Variants in MAGI2 observed in about 807,000 individuals in gnomAD.
MAGI2 encodes membrane associated guanylate kinase, WW and PDZ domain containing 2.
A neutral mutation model predicts 133.3 loss-of-function variants in MAGI2; 35 were observed. That is an observed-to-expected ratio of 0.26 (90% CI 0.20 to 0.35). MAGI2 has a LOEUF of 0.35. MAGI2 is among the 10% of genes least tolerant of loss of function. MAGI2 has a pLI of 1.00. For synonymous variants in MAGI2, 729 were observed against 710.6 expected (o/e 1.03, Z -0.41); for missense variants, 1,636 against 1,863.4 (o/e 0.88, Z 2.25).
intron 1 of MAGI2, among the ~76,000 whole-genome samples, chr7:79,432,843 A>T (rs918223799): frequency 1.3e-5 from 2 of 152,224 alleles, no homozygotes; most frequent in African/African-American, 4.8e-5. Context: ...ATAACAGAAA[A>T]GCAGCATCTG....
chr7:79,037,821 T>G (rs1290999794), intron 1 of MAGI2, among the ~76,000 whole-genome samples: 1 of 152,190 alleles, frequency 6.6e-6, no homozygotes, highest in Non-Finnish European at 1.5e-5. Context: ...CTTCCAATAT[T>G]TGTCATTATT....
chr7:78,880,185 C>A (rs886702178), intron 2 of MAGI2, among the ~76,000 whole-genome samples: 1 of 152,020 alleles, frequency 6.6e-6, no homozygotes, highest in Admixed American at 6.5e-5. Flanking sequence ...CCTAGTCTTC[C>A]TAGAGAGGTA....
At chr7:79,233,992 G>A (rs1831632949) in intron 1 of MAGI2, among the ~76,000 whole-genome samples, 1 of 143,912 alleles carries the variant, frequency 6.9e-6, no homozygotes, top group Non-Finnish European at 1.5e-5. Context: ...CAGGCCTGGT[G>A]GTGACAAAAT....
chr7:78,755,774 G>A (rs1823884305), intron 2 of MAGI2, among the ~76,000 whole-genome samples: 1 of 152,124 alleles, frequency 6.6e-6, no homozygotes, highest in South Asian at 2.1e-4. Flanking sequence ...AGCTGCTTTT[G>A]TTTGATCACC....
intron 2 of MAGI2, among the ~76,000 whole-genome samples, chr7:78,890,409 AT>A (rs1796643682): frequency 1.3e-5 from 2 of 152,188 alleles, no homozygotes; most frequent in Non-Finnish European, 2.9e-5. Context: ...TCCACCCCAA[AT>A]TAACAGAATA....
At chr7:78,550,072 T>C (rs954569022) in intron 3 of MAGI2, among the ~76,000 whole-genome samples, 4 of 152,158 alleles carry the variant, frequency 2.6e-5, no homozygotes, top group Admixed American at 1.3e-4. Flanking sequence ...TGTGGACACA[T>C]AGAAAGCACC....
chr7:79,119,218 C>A (rs1819668014), intron 1 of MAGI2, among the ~76,000 whole-genome samples: 1 of 152,132 alleles, frequency 6.6e-6, no homozygotes, highest in Non-Finnish European at 1.5e-5. Context: ...TTCCTTTTAA[C>A]AAATAAGTTG....
At chr7:79,429,222 T>C (rs1847607253) in intron 1 of MAGI2, among the ~76,000 whole-genome samples, 1 of 152,154 alleles carries the variant, frequency 6.6e-6, no homozygotes, top group Non-Finnish European at 1.5e-5. Context: ...TGTTTTAACA[T>C]ATAATAAATC....
intron 6 of MAGI2, among the ~76,000 whole-genome samples, chr7:78,442,557 T>A (rs913317233): frequency 6.6e-6 from 1 of 152,200 alleles, no homozygotes; most frequent in African/African-American, 2.4e-5. Context: ...GGAAACAGAT[T>A]GTGCTTTGCT....
chr7:79,049,523 A>G (rs1351358010), intron 1 of MAGI2, among the ~76,000 whole-genome samples: 3 of 152,198 alleles, frequency 2.0e-5, no homozygotes, highest in Non-Finnish European at 4.4e-5. Flanking sequence ...ACAGACTTGT[A>G]TCCTAAATTC....
intron 1 of MAGI2, among the ~76,000 whole-genome samples, chr7:79,051,350 C>T (rs1812651171): frequency 6.6e-6 from 1 of 152,152 alleles, no homozygotes; most frequent in African/African-American, 2.4e-5. Context: ...AGCAATAAAT[C>T]CCAACTTGTT....
chr7:79,346,769 C>A (rs920475037), intron 1 of MAGI2, among the ~76,000 whole-genome samples: 62 of 152,052 alleles, frequency 4.1e-4, no homozygotes, highest in African/African-American at 1.4e-3. Flanking sequence ...TTCAACCTTT[C>A]CTCACACCTT....
At position 78,951,658 on chromosome 7, in the gene MAGI2, G is replaced by T. The variant is rs114715832; in HGVS notation, c.418+55432C>A. Among the ~76,000 whole-genome samples the T allele has an allele frequency of 1.5e-3, 229 of 152,252 alleles. 1 individual carries two copies. Among genetic ancestry groups the T allele is most frequent in the African/African-American group, 5.3e-3 (222 of 41,552 alleles). On this transcript the variant is annotated intron_variant, in intron 2 of 21. Coordinates refer to ENST00000354212, the MANE Select transcript of MAGI2 (RefSeq NM_012301.4). ...ACCATATCAATTGCCTGTTTTTTAA[G>T]AACTTAGTTTAAACTCAAATGTATA...
At chr7:79,130,043 G>T (rs1284442818) in intron 1 of MAGI2, among the ~76,000 whole-genome samples, 3 of 151,900 alleles carry the variant, frequency 2.0e-5, no homozygotes, top group African/African-American at 4.8e-5. Flanking sequence ...GCTCACACTT[G>T]TAATCTCAGC....
At chr7:78,180,658 C>T (rs536029006) in intron 13 of MAGI2, among the ~76,000 whole-genome samples, 2 of 152,266 alleles carry the variant, frequency 1.3e-5, no homozygotes, top group African/African-American at 4.8e-5. Context: ...ACCCTGATTT[C>T]AAACATAGGG....
rs559118163 is a variant in MAGI2, at chr7:78,075,817, T to G, written c.3706+3130A>C. ...CAGTCACTATGAAATTCCAGAAATA[T>G]CACTTGATGACATTATCCTCAAAGA... is the stretch of plus-strand genomic sequence containing the variant. On this transcript the variant is annotated intron_variant, in intron 21 of 21. Transcript: ENST00000354212. Among the ~76,000 whole-genome samples the G allele has an allele frequency of 2.4e-4, 37 of 152,256 alleles. 1 individual carries two copies. In the South Asian group the frequency reaches 7.7e-3, roughly 32 times the overall value.
At chr7:78,996,040 G>A (rs1449240740) in intron 2 of MAGI2, among the ~76,000 whole-genome samples, 1 of 152,116 alleles carries the variant, frequency 6.6e-6, no homozygotes, top group African/African-American at 2.4e-5. Context: ...GAAAATGGTG[G>A]CTGCTATTTA....
chr7:78,875,515 T>C (rs1400994365), intron 2 of MAGI2, among the ~76,000 whole-genome samples: 1 of 152,234 alleles, frequency 6.6e-6, no homozygotes, highest in Non-Finnish European at 1.5e-5. Flanking sequence ...CTAAGCAGAC[T>C]ATCAGCTACT....
chr7:79,297,875 G>A (rs568198631), intron 1 of MAGI2, among the ~76,000 whole-genome samples: 1 of 152,320 alleles, frequency 6.6e-6, no homozygotes, highest in South Asian at 2.1e-4. Context: ...CTTTCGTCAG[G>A]TGGGAATGAG....
Sources: gnomAD v4.1 joint callset for allele counts (sites outside exome capture counted in the v4.1 genomes callset) on GRCh38, gnomAD v4.1.1 for gene constraint, MANE v1.5 for transcripts, NCBI Gene and HGNC (gene_info 2026-07-23, HGNC 2026-07-21) for gene names.